Variants in MED23 observed in about 807,000 individuals in gnomAD.
The protein encoded by MED23 is mediator complex subunit 23.
A neutral mutation model predicts 163.9 loss-of-function variants in MED23; 105 were observed. The ratio of observed to expected loss-of-function variants is 0.64; its 90% CI spans 0.55 to 0.75. The LOEUF (loss-of-function observed/expected upper bound fraction) is 0.75, where lower values mean the gene tolerates loss of function less well. Among genes scored for constraint, MED23 ranks in the 30% least tolerant of loss-of-function variants. MED23 has a pLI of 0.00. For synonymous variants in MED23, 561 were observed against 565.6 expected (o/e 0.99, Z 0.12); for missense variants, 1,054 against 1,649.0 (o/e 0.64, Z 6.25).
intron 10 of MED23, among the ~76,000 whole-genome samples, chr6:131,615,503 CAAAAAAAAAAAAA>C (rs917020235): frequency 2.8e-4 from 4 of 14,148 alleles, no homozygotes; most frequent in African/African-American, 3.0e-4. Context: ...AAACACACAC[CAAAAAAAAAAAAA>C]AAAAAAAAAA....
chr6:131,605,162 T>C, intron 14 of MED23, 78 bp downstream of exon 14: 3 of 1,497,562 alleles, frequency 2.0e-6, no homozygotes, highest in Non-Finnish European at 2.8e-6. Context: ...AATACGCACA[T>C]AAAATCATGA....
intron 30 of MED23, among the ~76,000 whole-genome samples, chr6:131,578,545 C>T (rs1434318982): frequency 6.6e-6 from 1 of 152,072 alleles, no homozygotes; most frequent in South Asian, 2.1e-4. Context: ...AAGTGTTAGG[C>T]TCAGTGCTAA....
chr6:131,593,287 A>G (rs1774789013), intron 23 of MED23, 116 bp from the exon 24 acceptor site: 1 of 1,219,456 alleles, frequency 8.2e-7, no homozygotes, highest in Non-Finnish European at 1.2e-6. Flanking sequence ...AGGCAAATGC[A>G]AACCAAATAC....
intron 24 of MED23, 66 bp from the exon 25 acceptor site, chr6:131,592,526 T>A: frequency 7.4e-7 from 1 of 1,354,398 alleles, no homozygotes; most frequent in Non-Finnish European, 1.1e-6. Context: ...TGACAACGGA[T>A]CTTATTTTTA....
chr6:131,601,038 CTT>C (rs111997719), intron 17 of MED23, among the ~76,000 whole-genome samples: 11,563 of 147,806 alleles, frequency 0.078, 1,406 homozygotes, highest in African/African-American at 0.26. Context: ...AAATCAGCTG[CTT>C]TTTTTTTTTT....
chr6:131,613,638 T>A (rs1476083379), intron 10 of MED23, among the ~76,000 whole-genome samples: 1 of 152,168 alleles, frequency 6.6e-6, no homozygotes, highest in East Asian at 1.9e-4. Flanking sequence ...TGTCTACACA[T>A]CCCCTAACTA....
chr6:131,591,463 G>T lies in MED23; in HGVS notation c.3536C>A (p.Ser1179Tyr). 2 of 1,613,944 alleles carry T rather than the reference G, an allele frequency of 1.2e-6. No individual in the cohort carries two copies. The highest frequency in any genetic ancestry group is 1.7e-6 in the Non-Finnish European group (2 of 1,179,864). Residue 1179 changes from serine (S) to tyrosine (Y), a missense_variant, in exon 26 of 29, where the codon TCT (serine) becomes TAT (tyrosine). Physicochemically the swap from Ser to Tyr is moderately radical, Grantham distance 144 (BLOSUM62 -2). Transcript: ENST00000368068. ...TGGATAGCCAACCCACTCTGTTTCAGACGTCAAGCTGGGGCTGCTGATGAC... is the reference window on the plus strand; with the variant it reads ...TGGATAGCCAACCCACTCTGTTTCATACGTCAAGCTGGGGCTGCTGATGAC... ...VSVISSPSLT[S>Y]ETEWVGYPFR... is the part of the protein sequence containing the mutation.
At chr6:131,605,144 T>A in intron 14 of MED23, 96 bp downstream of exon 14, 2 of 1,327,042 alleles carry the variant, frequency 1.5e-6, no homozygotes, top group Non-Finnish European at 2.1e-6. Context: ...TGTACCTGAC[T>A]ATGAAATAAT....
downstream of MED23, chr6:131,583,139 G>A (rs200496725): frequency 8.4e-5 from 135 of 1,613,862 alleles, 1 homozygote; most frequent in East Asian, 3.0e-3. Context: ...GGTGATGGAA[G>A]AAACACTCAG....
At chr6:131,583,926 A>G (rs1302005911), downstream of MED23, 2 of 1,611,874 alleles carry the variant, frequency 1.2e-6, no homozygotes, top group South Asian at 1.1e-5. Flanking sequence ...AACATCCGAT[A>G]TAAATCTCAT....
In MED23 at chr6:131,605,231, A is replaced by C; in HGVS notation, c.1613+9T>G. Reference sequence around the variant, plus strand: ...CTGACATGGAACCAAATTAATAAAAAGAACATACCTCATTTTGGCATGAAC... The same window carrying C: ...CTGACATGGAACCAAATTAATAAAACGAACATACCTCATTTTGGCATGAAC... On this transcript the variant is annotated intron_variant, in intron 14 of 28. Coordinates refer to ENST00000368068, the MANE Select transcript of MED23 (RefSeq NM_004830.4). 1 of 1,613,354 alleles carries C rather than the reference A, an allele frequency of 6.2e-7. No individual in the cohort carries two copies. Among genetic ancestry groups the C allele is most frequent in the Non-Finnish European group, 8.5e-7 (1 of 1,179,518 alleles).
chr6:131,605,138 C>A, intron 14 of MED23, 102 bp downstream of exon 14: 2 of 1,268,454 alleles, frequency 1.6e-6, no homozygotes, highest in Non-Finnish European at 1.1e-6. Flanking sequence ...CTCAAATGTA[C>A]CTGACTATGA....
chr6:131,617,721 T>C (rs1776794521), intron 9 of MED23, among the ~76,000 whole-genome samples: 1 of 152,138 alleles, frequency 6.6e-6, no homozygotes, highest in South Asian at 2.1e-4. Flanking sequence ...GTAGATATAG[T>C]TGTAAAAAGA....
intron 28 of MED23, among the ~76,000 whole-genome samples, chr6:131,588,581 C>T (rs367810327): frequency 7.2e-5 from 11 of 152,328 alleles, no homozygotes; most frequent in African/African-American, 2.6e-4. Flanking sequence ...GATACAATTT[C>T]TCTCTTTCTT....
intron 26 of MED23, 133 bp downstream of exon 26, chr6:131,591,180 A>G (rs1774597747): frequency 1.4e-5 from 10 of 705,326 alleles, no homozygotes; most frequent in Non-Finnish European, 2.3e-5. Context: ...GGGTTTCACA[A>G]TGTTGGCCAG....
chr6:131,589,632 C>A, intron 27 of MED23, 36 bp from the exon 28 acceptor site: 1 of 1,603,586 alleles, frequency 6.2e-7, no homozygotes, highest in South Asian at 1.1e-5. Context: ...TTTAAGTGAT[C>A]AAGTGATTCA....
chr6:131,605,193 T>C, intron 14 of MED23, 47 bp downstream of exon 14: 1 of 1,590,606 alleles, frequency 6.3e-7, no homozygotes, highest in Non-Finnish European at 8.6e-7. Flanking sequence ...TATACTATAC[T>C]CGTATCAATT....
At chr6:131,620,929 A>G (rs1428250710) in intron 6 of MED23, among the ~76,000 whole-genome samples, 200 bp from the exon 7 acceptor site, 1 of 151,884 alleles carries the variant, frequency 6.6e-6, no homozygotes, top group African/African-American at 2.4e-5. Flanking sequence ...CAGCCTCCAG[A>G]GTAGCTGGGA....
chr6:131,610,283 C>T (rs767629633), intron 10 of MED23, 37 bp from the exon 11 acceptor site: 32 of 1,600,454 alleles, frequency 2.0e-5, no homozygotes, highest in East Asian at 1.6e-4. Flanking sequence ...TTCCAAAAGC[C>T]TCTCGGTTAG....
Sources: gnomAD v4.1 joint callset for allele counts (sites outside exome capture counted in the v4.1 genomes callset) on GRCh38, gnomAD v4.1.1 for gene constraint, MANE v1.5 for transcripts, NCBI Gene and HGNC (gene_info 2026-07-23, HGNC 2026-07-21) for gene names.